Variants in CPS1 observed in about 807,000 individuals in gnomAD.
CPS1 encodes the protein carbamoyl-phosphate synthase [ammonia], mitochondrial.
A neutral mutation model predicts 174.6 loss-of-function variants in CPS1; 109 were observed. The ratio of observed to expected loss-of-function variants is 0.62; its 90% CI spans 0.53 to 0.73. The LOEUF (loss-of-function observed/expected upper bound fraction) is 0.73. Among genes scored for constraint, CPS1 ranks in the 30% least tolerant of loss-of-function variants. CPS1 has a pLI of 0.00. For missense variants in CPS1, 1,689 were observed against 1,821.9 expected, an observed-to-expected ratio of 0.93 and a Z score of 1.33; for synonymous variants, 637 against 632.0, an observed-to-expected ratio of 1.01 and a Z score of -0.12.
Position 210,602,183 on chromosome 2 carries a change from T to A in CPS1, c.1708-19T>A, listed in dbSNP as rs776953815. On this transcript the variant is annotated intron_variant, in intron 15 of 37. Transcript: ENST00000233072. ...TGTGCTCAGCTTTTAAAATGTTGAGTCCTTGTTCTTGTTGACAGATTGAGG... is the reference window on the plus strand; with the variant it reads ...TGTGCTCAGCTTTTAAAATGTTGAGACCTTGTTCTTGTTGACAGATTGAGG... 1 of 1,611,782 alleles carries A rather than the reference T, an allele frequency of 6.2e-7. No homozygotes were observed. Among genetic ancestry groups the A allele is most frequent in the East Asian group, 2.2e-5 (1 of 44,584 alleles).
intron 1 of CPS1, among the ~76,000 whole-genome samples, chr2:210,509,359 T>G (rs1188074303): frequency 6.6e-6 from 1 of 152,170 alleles, no homozygotes; most frequent in Non-Finnish European, 1.5e-5. Context: ...CTCAATAAAT[T>G]AGGTATTGAT....
intron 34 of CPS1, among the ~76,000 whole-genome samples, chr2:210,670,454 A>G (rs1482520069): frequency 6.6e-6 from 1 of 151,694 alleles, no homozygotes; most frequent in Admixed American, 6.6e-5. Context: ...GGCCAAATCT[A>G]ATCTCAACTT....
intron 1 of CPS1, among the ~76,000 whole-genome samples, chr2:210,487,064 T>A (rs1694751024): frequency 6.6e-6 from 1 of 152,226 alleles, no homozygotes; most frequent in African/African-American, 2.4e-5. Flanking sequence ...CACACAAAAA[T>A]ATACATTGAA....
intron 1 of CPS1, among the ~76,000 whole-genome samples, chr2:210,533,112 A>G (rs1164278628): frequency 1.3e-5 from 2 of 152,048 alleles, no homozygotes; most frequent in African/African-American, 4.8e-5. Context: ...GTGACCATGA[A>G]GGACAGGGAA....
upstream of CPS1, among the ~76,000 whole-genome samples, chr2:210,553,410 A>G (rs1290227917): frequency 6.6e-6 from 1 of 152,050 alleles, no homozygotes; most frequent in Non-Finnish European, 1.5e-5. Context: ...CATAAAATAA[A>G]GTGCCCTGAG....
intron 21 of CPS1, among the ~76,000 whole-genome samples, chr2:210,623,314 T>G (rs922607523): frequency 6.6e-6 from 1 of 152,158 alleles, no homozygotes; most frequent in African/African-American, 2.4e-5. Context: ...ATACGAGTAT[T>G]GGAAGCTAAA....
At chr2:210,649,063 A>G (rs1206068203) in intron 27 of CPS1, among the ~76,000 whole-genome samples, 1 of 152,216 alleles carries the variant, frequency 6.6e-6, no homozygotes, top group African/African-American at 2.4e-5. Flanking sequence ...AGAAGTTGTG[A>G]ATTATCACTT....
At chr2:210,622,626 C>T (rs1035550180) in intron 21 of CPS1, among the ~76,000 whole-genome samples, 2 of 151,696 alleles carry the variant, frequency 1.3e-5, no homozygotes, top group African/African-American at 4.8e-5. Flanking sequence ...TTGGACTCCC[C>T]TTGCTATAAG....
intron 5 of CPS1, among the ~76,000 whole-genome samples, chr2:210,580,445 C>T (rs1262554210): frequency 6.6e-6 from 1 of 151,970 alleles, no homozygotes; most frequent in Non-Finnish European, 1.5e-5. Flanking sequence ...CTTGAAATTT[C>T]CATATTCCAA....
At chr2:210,568,776 C>A (rs115119091) in intron 1 of CPS1, among the ~76,000 whole-genome samples, 1 of 151,932 alleles carries the variant, frequency 6.6e-6, no homozygotes, top group South Asian at 2.1e-4. Flanking sequence ...CTAGAAAAAA[C>A]GTTGCATTAG....
intron 1 of CPS1, among the ~76,000 whole-genome samples, chr2:210,482,828 G>T (rs1694608631): frequency 6.6e-6 from 1 of 152,100 alleles, no homozygotes; most frequent in South Asian, 2.1e-4. Context: ...AAAGAAAAAA[G>T]AAATATCTTT....
intron 34 of CPS1, chr2:210,673,239 AAATACGC>A (rs1375508470): frequency 1.3e-5 from 2 of 152,264 alleles, no homozygotes; most frequent in Non-Finnish European, 2.9e-5. Context: ...GTGTGATTTT[AAATACGC>A]CAGCTCAGTT....
chr2:210,665,481 C>A (rs199797461), intron 33 of CPS1, among the ~76,000 whole-genome samples: 1 of 140,980 alleles, frequency 7.1e-6, no homozygotes, highest in Non-Finnish European at 1.5e-5. Flanking sequence ...CCCCCTCCCC[C>A]CACTCCACAA....
At chr2:210,498,390 G>A (rs1440778089) in intron 1 of CPS1, among the ~76,000 whole-genome samples, 2 of 151,870 alleles carry the variant, frequency 1.3e-5, no homozygotes, top group Non-Finnish European at 2.9e-5. Context: ...TATATTTCTA[G>A]GTATTTTATT....
chr2:210,594,114 C>T (rs983562126), intron 11 of CPS1, among the ~76,000 whole-genome samples: 14 of 151,124 alleles, frequency 9.3e-5, no homozygotes, highest in Admixed American at 4.0e-4. Flanking sequence ...TTTTTAGAGC[C>T]GATAGAAATT....
At chr2:210,526,743 A>G (rs1695982009) in intron 1 of CPS1, among the ~76,000 whole-genome samples, 1 of 151,980 alleles carries the variant, frequency 6.6e-6, no homozygotes, top group Non-Finnish European at 1.5e-5. Flanking sequence ...AAGAGAGAGA[A>G]TGAAGCTGAA....
chr2:210,560,405 C>G (rs976837681), intron 1 of CPS1, among the ~76,000 whole-genome samples: 1 of 152,062 alleles, frequency 6.6e-6, no homozygotes, highest in Non-Finnish European at 1.5e-5. Context: ...TTTATTTTTA[C>G]TTGCAAATGA....
At chr2:210,671,346 A>C (rs1701294001) in intron 34 of CPS1, among the ~76,000 whole-genome samples, 1 of 152,222 alleles carries the variant, frequency 6.6e-6, no homozygotes, top group South Asian at 2.1e-4. Context: ...AGGAACAACC[A>C]TAGAGTTGTC....
At position 210,512,990 on chromosome 2, in the gene CPS1, ATATATATGGAGATATATATATATC is replaced by A. The variant is rs1695560952; in HGVS notation, c.3+35232_3+35255del. 2.7e-4 allele frequency among the ~76,000 whole-genome samples: 8 copies of A among 29,098 alleles called. 2 individuals are homozygous for A. Among genetic ancestry groups the A allele is most frequent in the South Asian group, 1.8e-3 (1 of 550 alleles). The allele number at this position is 29,098 out of a possible 152,430, so 19.1% of individuals were successfully genotyped here. A position where few individuals can be genotyped will look rare whatever the true frequency, so the allele number is the denominator to read the frequency against. On this transcript the variant is annotated intron_variant, in intron 1 of 38. Transcript: ENST00000430249. ...TGGAGATATATATATATGGAGAGAT[ATATATATGGAGATATATATATATC>A]TATATATCTATATATTTATATATAT... is the stretch of plus-strand genomic sequence containing the variant.
Sources: allele counts gnomAD v4.1 joint callset (sites outside exome capture counted in the v4.1 genomes callset), GRCh38; gene constraint gnomAD v4.1.1; transcripts MANE v1.5; gene names NCBI Gene and HGNC (gene_info 2026-07-23, HGNC 2026-07-21).